Variants in ZRSR2 observed in about 807,000 individuals in gnomAD.
ZRSR2 encodes the protein U2 small nuclear ribonucleoprotein auxiliary factor 35 kDa subunit-related protein 2.
ZRSR2 carries 3 observed loss-of-function variants against 39.4 expected under a neutral mutation model. The ratio of observed to expected loss-of-function variants is 0.08; its 90% CI spans 0.03 to 0.20. ZRSR2 has a LOEUF of 0.20. ZRSR2 is among the 10% of genes least tolerant of loss of function. The pLI is 1.00. For synonymous variants in ZRSR2, 137 were observed against 136.0 expected (o/e 1.01, Z -0.05); for missense variants, 256 against 391.5 (o/e 0.65, Z 2.92).
intron 2 of ZRSR2, among the ~76,000 whole-genome samples, chrX:15,794,770 A>G (rs1452588782): frequency 8.9e-6 from 1 of 111,870 alleles, no homozygotes; most frequent in Non-Finnish European, 1.9e-5. Flanking sequence ...TTGCTTTTTC[A>G]TTTCTCTAAA....
chrX:15,797,533 T>C (rs1439702962), intron 2 of ZRSR2, among the ~76,000 whole-genome samples: 1 of 112,229 alleles, frequency 8.9e-6, no homozygotes, highest in East Asian at 2.8e-4. Context: ...TTATAATAGA[T>C]TTATATTTAT....
Position 15,797,220 on chromosome X carries a change from T to A in ZRSR2, c.122-2652T>A, listed in dbSNP as rs773830724. Among the ~76,000 whole-genome samples, 327 of 107,741 alleles carry A rather than the reference T, an allele frequency of 3.0e-3. 1 individual carries two copies. The highest frequency in any genetic ancestry group is 0.012 in the South Asian group (30 of 2,443). 93.6% of individuals were successfully genotyped at this position (107,741 alleles called of 115,157 possible). ...GTATCTGCATTAACTTTTTTTTTTT[T>A]TTTTTTTGAGACGGTGTTTTGCTCT... On this transcript the variant is annotated intron_variant, in intron 2 of 10. Coordinates refer to ENST00000307771, the MANE Select transcript of ZRSR2 (RefSeq NM_005089.4).
At chrX:15,818,061 G>A (rs1933014029) in intron 8 of ZRSR2, among the ~76,000 whole-genome samples, 1 of 111,800 alleles carries the variant, frequency 8.9e-6, no homozygotes, top group African/African-American at 3.3e-5. Context: ...GTGGGTTTTG[G>A]CATGCATATG....
At chrX:15,811,358 T>C (rs1021660016) in intron 7 of ZRSR2, among the ~76,000 whole-genome samples, 1 of 111,573 alleles carries the variant, frequency 9.0e-6, no homozygotes, top group African/African-American at 3.3e-5. Context: ...GGATCCCTCA[T>C]GTAGGATCTA....
rs192964725 is a variant in ZRSR2, at chrX:15,813,104, G to A, written c.558-2573G>A. Among the ~76,000 whole-genome samples the A allele has an allele frequency of 6.2e-5, 7 of 112,209 alleles. No homozygotes were observed. In the East Asian group the frequency reaches 1.4e-3, roughly 22 times the overall value. On this transcript the variant is annotated intron_variant, in intron 7 of 10. Transcript: ENST00000307771. The stretch of plus-strand genomic sequence containing the variant: ...AGGACAAAGGTAATGCGTACCAGGA[G>A]CACTTCCCTGAGAAGAAGAAAAAGA...
Position 15,809,189 on chromosome X carries a change from A to G in ZRSR2, c.439-11A>G, listed in dbSNP as rs781236495. On this transcript the variant is annotated splice_polypyrimidine_tract_variant and intron_variant, in intron 6 of 10. Transcript: ENST00000307771. ...TTACTCCACCAGTAAAGTCATGGTT[A>G]TTTTCAACAGTTGGAAAATGGTACC... is the stretch of plus-strand genomic sequence containing the variant. The G allele has an allele frequency of 1.9e-5, 22 of 1,162,707 alleles. No individual in the cohort carries two copies. The highest frequency in any genetic ancestry group is 2.6e-5 in the Non-Finnish European group (22 of 852,237).
chrX:15,820,142 T>C, intron 9 of ZRSR2, 65 bp from the exon 10 acceptor site: 1 of 904,280 alleles, frequency 1.1e-6, no homozygotes, highest in Non-Finnish European at 1.6e-6. Flanking sequence ...GGTTAATTAA[T>C]AGTAGAGCTA....
chrX:15,795,817 T>G (rs1377037941), intron 2 of ZRSR2, among the ~76,000 whole-genome samples: 1 of 111,585 alleles, frequency 9.0e-6, no homozygotes, highest in African/African-American at 3.3e-5. Flanking sequence ...TAGGATACTT[T>G]CATCTGCATT....
chrX:15,819,908 G>T (rs769599409), intron 9 of ZRSR2, among the ~76,000 whole-genome samples: 13 of 112,145 alleles, frequency 1.2e-4, no homozygotes, highest in African/African-American at 3.9e-4. Context: ...ATCTGAGAAA[G>T]AATAGGCCCT....
intron 4 of ZRSR2, 24 bp from the exon 5 acceptor site, chrX:15,804,087 G>A: frequency 8.7e-7 from 1 of 1,149,434 alleles, no homozygotes; most frequent in Non-Finnish European, 1.2e-6. Flanking sequence ...CTGAAACAAA[G>A]TTACTTTTTC....
intron 10 of ZRSR2, among the ~76,000 whole-genome samples, chrX:15,820,899 G>T (rs1384757217): frequency 1.8e-5 from 2 of 111,802 alleles, no homozygotes; most frequent in African/African-American, 6.5e-5. Flanking sequence ...ATCAGGAAAT[G>T]ATCCAGTCTT....
intron 7 of ZRSR2, among the ~76,000 whole-genome samples, chrX:15,814,699 G>T (rs1410419945): frequency 2.7e-5 from 3 of 111,492 alleles, no homozygotes; most frequent in African/African-American, 9.8e-5. Context: ...CAGATGTCTT[G>T]GATCCCTCTC....
chrX:15,818,472 G>A (rs1601827039), intron 8 of ZRSR2, 115 bp from the exon 9 acceptor site: 2 of 614,550 alleles, frequency 3.3e-6, no homozygotes, highest in East Asian at 3.8e-5. Flanking sequence ...TCTCTATTTT[G>A]CAATCTTTGA....
rs751346671 is a variant in ZRSR2 at position 15,790,924 on chromosome X, A to G, written c.42-10A>G. The G allele has an allele frequency of 2.9e-5, 35 of 1,206,834 alleles. No individual in the cohort carries two copies. The highest frequency in any genetic ancestry group is 7.1e-5 in the South Asian group (4 of 56,729). ...CCGCTGATCGTCGTGTATATGTCTT[A>G]ATCTTCCAGCCACAAAAAGTACAGG... On this transcript the variant is annotated splice_polypyrimidine_tract_variant and intron_variant, in intron 1 of 10. Coordinates refer to ENST00000307771, the MANE Select transcript of ZRSR2 (RefSeq NM_005089.4).
At chrX:15,806,015 G>C (rs895027266) in intron 5 of ZRSR2, among the ~76,000 whole-genome samples, 1 of 111,443 alleles carries the variant, frequency 9.0e-6, no homozygotes, top group African/African-American at 3.3e-5. Context: ...TAGATTGCCT[G>C]CTCAAGGAAA....
At chrX:15,811,549 C>T (rs1216409353) in intron 7 of ZRSR2, among the ~76,000 whole-genome samples, 1 of 111,631 alleles carries the variant, frequency 9.0e-6, no homozygotes, top group African/African-American at 3.3e-5. Context: ...CTTAGCCTCT[C>T]GAGTAGTTGG....
At chrX:15,797,691 G>A (rs2147279276) in intron 2 of ZRSR2, among the ~76,000 whole-genome samples, 1 of 109,703 alleles carries the variant, frequency 9.1e-6, no homozygotes, top group African/African-American at 3.3e-5. Flanking sequence ...AAATGTTCCA[G>A]TGTGTTTACT....
rs755313198 is a variant in ZRSR2, at chrX:15,823,037, G to C, written c.1244G>C (p.Arg415Pro). The C allele has an allele frequency of 6.6e-6, 8 of 1,210,497 alleles. No individual in the cohort carries two copies. In the African/African-American group the frequency reaches 1.0e-4, roughly 16 times the overall value. ...TCTCACAAACGCACATCAAAGAGTC[G>C]GGAGAGGCACAATTCACGAAGCAGA... ...KKSHKRTSKS[R>P]ERHNSRSRGR... Residue 415 changes from arginine to proline, a missense_variant, in exon 11 of 11, where the codon CGG becomes CCG. By Grantham distance (103) the Arg-to-Pro change is moderately radical (BLOSUM62 -2). Transcript: ENST00000307771.
At chrX:15,790,816 C>T in intron 1 of ZRSR2, 118 bp from the exon 2 acceptor site, 2 of 717,439 alleles carry the variant, frequency 2.8e-6, no homozygotes, top group Non-Finnish European at 4.3e-6. Flanking sequence ...ATACAGGAAG[C>T]AAGGTTTCTC....
Sources: gnomAD v4.1 joint callset for allele counts (sites outside exome capture counted in the v4.1 genomes callset) on GRCh38, gnomAD v4.1.1 for gene constraint, MANE v1.5 for transcripts, NCBI Gene and HGNC (gene_info 2026-07-23, HGNC 2026-07-21) for gene names.